The following ULK2 variants were observed in gnomAD, a reference collection of about 807,000 sequenced individuals.
ULK2 encodes serine/threonine-protein kinase ULK2.
Under a neutral mutation model 127.5 loss-of-function variants are expected in ULK2, and 76 were observed. The observed-to-expected ratio is 0.60, with a 90% CI of 0.50 to 0.72. The LOEUF (loss-of-function observed/expected upper bound fraction) is 0.72. Ranked by LOEUF, ULK2 falls within the 30% of genes least tolerant of loss-of-function variation. ULK2 has a pLI of 0.00. For synonymous variants in ULK2, 452 were observed against 461.9 expected (o/e 0.98, Z 0.28); for missense variants, 1,144 against 1,295.9 (o/e 0.88, Z 1.80).
At chr17:19,851,091 T>C (rs1406882698) in intron 3 of ULK2, among the ~76,000 whole-genome samples, 2 of 149,534 alleles carry the variant, frequency 1.3e-5, no homozygotes, top group Non-Finnish European at 3.0e-5. Context: ...GGCGGGTGGA[T>C]CACCTGAGCT....
At chr17:19,867,271 A>G in intron 1 of ULK2, 57 bp downstream of exon 1, 2 of 1,379,102 alleles carry the variant, frequency 1.5e-6, no homozygotes, top group East Asian at 5.6e-5. Context: ...AAGTTTCAGA[A>G]CCACCTAGCC....
At chr17:19,780,400 TATAG>T (rs2086894039) in intron 25 of ULK2, 68 bp downstream of exon 25, 1 of 1,366,362 alleles carries the variant, frequency 7.3e-7, no homozygotes, top group East Asian at 2.4e-5. Context: ...ATAGCTGTCA[TATAG>T]ATATTCAATT....
chr17:19,800,952 G>C (rs1364529404), intron 16 of ULK2, among the ~76,000 whole-genome samples: 1 of 151,972 alleles, frequency 6.6e-6, no homozygotes, highest in Non-Finnish European at 1.5e-5. Flanking sequence ...TTTTCCTTTT[G>C]GTAGGGTTTT....
Position 19,780,567 on chromosome 17 carries a change from T to C in ULK2, c.2821A>G (p.Lys941Glu). 3 of 1,613,926 alleles carry C rather than the reference T, an allele frequency of 1.9e-6. No individual in the cohort carries two copies. Among genetic ancestry groups the C allele is most frequent in the Non-Finnish European group, 2.5e-6 (3 of 1,179,930 alleles). The change falls in exon 25 of 27, where the codon AAG becomes GAG. Residue 941 changes from lysine to glutamate, a missense_variant. Lys to Glu is a moderately conservative substitution (Grantham distance 56). Around this residue, in one of 2 missense-constraint regions of ULK2, gnomAD observed 913 missense variants for 970.5 expected, o/e 0.94. Transcript: ENST00000395544. Reference protein sequence around the residue: ...CITMCKKLTEKLNRFFSDKQR... With the variant: ...CITMCKKLTEELNRFFSDKQR... ...TTGTCAGAGAAGAATCGATTCAGCT[T>C]TTCTGTAAGTTTCTTGCACATGGTG...
intron 14 of ULK2, among the ~76,000 whole-genome samples, chr17:19,809,732 C>CGAAAAAAAAAAAAAAAAAAAAAAAAA (rs750626905): frequency 1.1e-5 from 1 of 90,500 alleles, no homozygotes. Context: ...GACTCCGTCT[C>CGAAAAAAAAAAAAAAAAAAAAAAAAA]AAAAAAAAAA....
At position 19,773,990 on chromosome 17, in the gene ULK2, CTA is replaced by C. The variant is rs1171918290; in HGVS notation, c.*2357_*2358del. 1 of 141,232 alleles carries C rather than the reference CTA, an allele frequency of 7.1e-6. No homozygotes were observed. Among genetic ancestry groups the C allele is most frequent in the Non-Finnish European group, 1.6e-5 (1 of 61,990 alleles). 8.7% of individuals were successfully genotyped at this position (141,232 alleles called of 1,614,324 possible). ...ACTATATACAGCATAGGCTCTCTCT[CTA>C]TATATAGTCCAGTGGAGGGTATAGT... On this transcript the variant is annotated 3_prime_UTR_variant, in exon 27 of 27. Coordinates refer to ENST00000395544, the MANE Select transcript of ULK2 (RefSeq NM_014683.4).
intron 10 of ULK2, among the ~76,000 whole-genome samples, chr17:19,828,478 T>G (rs205104): frequency 0.96 from 146,296 of 152,294 alleles, 70,457 homozygotes; most frequent in African/African-American, 0.99. Context: ...ATAAAGGGGG[T>G]ATAAAGCAAT....
chr17:19,840,019 A>G (rs1432170469), intron 9 of ULK2: 1 of 295,854 alleles, frequency 3.4e-6, no homozygotes, highest in African/African-American at 2.2e-5. Context: ...GTAACCAAAA[A>G]AATGAAAACA....
chr17:19,796,546 C>A lies in ULK2; in HGVS notation c.1810-264G>T, dbSNP rs532280619. Among the ~76,000 whole-genome samples, 201 of 152,256 alleles carry A rather than the reference C, an allele frequency of 1.3e-3. 1 individual carries two copies. Among genetic ancestry groups the A allele is most frequent in the Non-Finnish European group, 1.7e-3 (115 of 68,028 alleles). On this transcript the variant is annotated intron_variant, in intron 18 of 26. Transcript: ENST00000395544. ...AACAAGGGGATGTAAAAAAACTGATCTAGATAAGTTAGTTTACTTAGGCCT... is the reference window on the plus strand; with the variant it reads ...AACAAGGGGATGTAAAAAAACTGATATAGATAAGTTAGTTTACTTAGGCCT...
intron 13 of ULK2, among the ~76,000 whole-genome samples, chr17:19,814,407 T>TATACATAC (rs1261855838): frequency 1.4e-4 from 12 of 83,578 alleles, no homozygotes; most frequent in African/African-American, 6.8e-4. Flanking sequence ...TCTGTTATTA[T>TATACATAC]ATACATATAT....
In ULK2 at chr17:19,864,861, G is replaced by A; in HGVS notation, c.184-17C>T. On this transcript the variant is annotated splice_polypyrimidine_tract_variant and intron_variant, in intron 2 of 26. Coordinates refer to ENST00000395544, the MANE Select transcript of ULK2 (RefSeq NM_014683.4). The stretch of plus-strand genomic sequence containing the variant: ...CTGAAGTTCCTATTAAGAAAATTGA[G>A]AATGAAAAATATGTAAGTATTCTAA... 1 of 1,246,200 alleles carries A rather than the reference G, an allele frequency of 8.0e-7. No homozygotes were observed. The highest frequency in any genetic ancestry group is 2.3e-5 in the South Asian group (1 of 43,714). 77.2% of individuals were successfully genotyped at this position (1,246,200 alleles called of 1,614,324 possible).
intron 3 of ULK2, among the ~76,000 whole-genome samples, chr17:19,856,542 A>G (rs1293633059): frequency 6.6e-6 from 1 of 151,938 alleles, no homozygotes; most frequent in Non-Finnish European, 1.5e-5. Flanking sequence ...AGATCGCGCC[A>G]CTGCACTCTA....
chr17:19,791,023 C>G (rs1267486842), intron 20 of ULK2, among the ~76,000 whole-genome samples: 1 of 152,160 alleles, frequency 6.6e-6, no homozygotes, highest in African/African-American at 2.4e-5. Context: ...ATTGTTAGAG[C>G]TAAAGACAGA....
chr17:19,825,583 G>A (rs953487427), intron 11 of ULK2, among the ~76,000 whole-genome samples: 1 of 151,540 alleles, frequency 6.6e-6, no homozygotes, highest in Non-Finnish European at 1.5e-5. Context: ...GGTAGTGCCC[G>A]CCTGTAATCC....
chr17:19,851,950 G>C (rs1567724722), intron 3 of ULK2, among the ~76,000 whole-genome samples: 1 of 150,628 alleles, frequency 6.6e-6, no homozygotes. Context: ...GGAGGCTGAG[G>C]CAGGAGAATC....
chr17:19,791,949 A>C (rs2087165012), intron 20 of ULK2, among the ~76,000 whole-genome samples: 1 of 151,970 alleles, frequency 6.6e-6, no homozygotes. Context: ...AACTATATAA[A>C]TACGTGGAAA....
intron 24 of ULK2, 40 bp downstream of exon 24, chr17:19,780,946 A>G (rs745849654): frequency 7.0e-6 from 11 of 1,577,490 alleles, no homozygotes; most frequent in Non-Finnish European, 8.7e-6. Flanking sequence ...GAGCAACTTA[A>G]GGACTGACCC....
chr17:19,797,705 A>G, intron 17 of ULK2, 23 bp from the exon 18 acceptor site: 1 of 1,468,560 alleles, frequency 6.8e-7, no homozygotes, highest in Non-Finnish European at 9.0e-7. Context: ...CAAATGTAAC[A>G]TTAACCTGAA....
At chr17:19,853,138 ATT>A (rs113112588) in intron 3 of ULK2, among the ~76,000 whole-genome samples, 11 of 143,758 alleles carry the variant, frequency 7.7e-5, no homozygotes, top group Admixed American at 4.2e-4. Context: ...AATTTTTTTA[ATT>A]TTTTTTTTTT....
Sources: allele counts gnomAD v4.1 joint callset (sites outside exome capture counted in the v4.1 genomes callset), GRCh38; gene constraint gnomAD v4.1.1; regional missense constraint gnomAD v4.1.1; transcripts MANE v1.5; gene names NCBI Gene and HGNC (gene_info 2026-07-23, HGNC 2026-07-21).